TLE4: variants seen among roughly 807,000 people sequenced by gnomAD.
The protein encoded by TLE4 is TLE family member 4, transcriptional corepressor, also known as transducin-like enhancer protein 4.
TLE4 carries 8 observed loss-of-function variants against 92.8 expected under a neutral mutation model. That is an observed-to-expected ratio of 0.09 (90% CI 0.05 to 0.16). The LOEUF (loss-of-function observed/expected upper bound fraction) is 0.16, where lower values mean the gene tolerates loss of function less well. Among genes scored for constraint, TLE4 ranks in the 10% least tolerant of loss-of-function variants. The pLI, the probability that TLE4 is intolerant of heterozygous loss-of-function variation, is 1.00. For missense variants in TLE4, 675 were observed against 997.6 expected (o/e 0.68, Z 4.36); for synonymous variants, 371 against 374.1 (o/e 0.99, Z 0.10).
At chr9:79,620,320 T>C (rs991064863) in intron 5 of TLE4, among the ~76,000 whole-genome samples, 1 of 152,222 alleles carries the variant, frequency 6.6e-6, no homozygotes, top group East Asian at 1.9e-4. Flanking sequence ...GTGCTCAGTA[T>C]CCACTCATAT....
intron 8 of TLE4, among the ~76,000 whole-genome samples, chr9:79,656,384 A>G (rs373045416): frequency 3.3e-5 from 5 of 152,192 alleles, no homozygotes; most frequent in Non-Finnish European, 7.3e-5. Context: ...GCTCCTTAAC[A>G]TTTAACAGGT....
intron 4 of TLE4, among the ~76,000 whole-genome samples, chr9:79,582,409 C>T (rs933418154): frequency 6.6e-5 from 10 of 152,068 alleles, no homozygotes; most frequent in Admixed American, 2.6e-4. Context: ...AATGATGGAC[C>T]GGACTAATGA....
At chr9:79,678,749 G>C (rs535727325) in intron 8 of TLE4, among the ~76,000 whole-genome samples, 2 of 151,716 alleles carry the variant, frequency 1.3e-5, no homozygotes, top group Non-Finnish European at 2.9e-5. Flanking sequence ...TTAGGTATAT[G>C]TCCTAATGCT....
chr9:79,594,390 C>G (rs1198085881), intron 4 of TLE4, among the ~76,000 whole-genome samples: 1 of 152,194 alleles, frequency 6.6e-6, no homozygotes, highest in Non-Finnish European at 1.5e-5. Context: ...CTGTGTGCTG[C>G]TTGAATGAGA....
At chr9:79,668,597 TG>T (rs2061775883) in intron 8 of TLE4, among the ~76,000 whole-genome samples, 1 of 152,116 alleles carries the variant, frequency 6.6e-6, no homozygotes, top group African/African-American at 2.4e-5. Context: ...AGGCCAAGAA[TG>T]TTACAACAGA....
At chr9:79,716,748 T>TA (rs2074571626) in intron 14 of TLE4, among the ~76,000 whole-genome samples, 1 of 152,246 alleles carries the variant, frequency 6.6e-6, no homozygotes, top group South Asian at 2.1e-4. Flanking sequence ...GTTAAATTCC[T>TA]AGACTACCAT....
chr9:79,611,578 C>A (rs1588051874), intron 4 of TLE4, among the ~76,000 whole-genome samples: 1 of 152,020 alleles, frequency 6.6e-6, no homozygotes, highest in South Asian at 2.1e-4. Context: ...GAGGAACTGA[C>A]CCTGGATGGA....
intron 8 of TLE4, among the ~76,000 whole-genome samples, chr9:79,661,390 G>T (rs2060513542): frequency 6.6e-6 from 1 of 152,180 alleles, no homozygotes; most frequent in Non-Finnish European, 1.5e-5. Context: ...AAGTAGCTCA[G>T]CTATCTTCTG....
At chr9:79,627,823 A>T (rs930287928) in intron 6 of TLE4, 32 of 186,114 alleles carry the variant, frequency 1.7e-4, no homozygotes, top group Non-Finnish European at 3.5e-4. Flanking sequence ...CATGTAGAGT[A>T]TCTTACTATC....
chr9:79,686,984 A>G (rs909274669), intron 8 of TLE4, among the ~76,000 whole-genome samples: 5 of 152,210 alleles, frequency 3.3e-5, no homozygotes, highest in Non-Finnish European at 5.9e-5. Context: ...GTCATTTGGT[A>G]TCATCTGGTC....
chr9:79,658,551 C>T (rs1299069019), intron 8 of TLE4, among the ~76,000 whole-genome samples: 1 of 152,060 alleles, frequency 6.6e-6, no homozygotes, highest in Non-Finnish European at 1.5e-5. Flanking sequence ...AAAGGTTTAT[C>T]AGCGGAAAAT....
intron 8 of TLE4, among the ~76,000 whole-genome samples, chr9:79,703,103 T>C (rs1008964303): frequency 5.3e-5 from 8 of 151,930 alleles, no homozygotes; most frequent in Admixed American, 1.3e-4. Flanking sequence ...ATGAAATAAA[T>C]TTATAAATGA....
chr9:79,598,387 A>G (rs2044639285), intron 4 of TLE4, among the ~76,000 whole-genome samples: 1 of 151,938 alleles, frequency 6.6e-6, no homozygotes, highest in African/African-American at 2.4e-5. Context: ...TTGTGCTGAT[A>G]CTACCCTTTC....
chr9:79,680,061 G>T (rs1480603786), intron 8 of TLE4, among the ~76,000 whole-genome samples: 1 of 150,768 alleles, frequency 6.6e-6, no homozygotes, highest in South Asian at 2.1e-4. Flanking sequence ...GATGCCTCCG[G>T]CTTTGTTCTT....
chr9:79,621,331 A>G (rs371084242), intron 5 of TLE4, among the ~76,000 whole-genome samples: 1 of 152,230 alleles, frequency 6.6e-6, no homozygotes, highest in Non-Finnish European at 1.5e-5. Flanking sequence ...GCTAGAGCCC[A>G]TGACACAGAG....
At chr9:79,646,039 G>A (rs1024068364) in intron 6 of TLE4, among the ~76,000 whole-genome samples, 4 of 151,356 alleles carry the variant, frequency 2.6e-5, no homozygotes, top group African/African-American at 9.7e-5. Context: ...TAATTCTTTG[G>A]CTTGATCTTT....
chr9:79,689,952 G>C (rs2066714112), intron 8 of TLE4, among the ~76,000 whole-genome samples: 1 of 152,106 alleles, frequency 6.6e-6, no homozygotes, highest in Non-Finnish European at 1.5e-5. Context: ...TCTGGGGTGG[G>C]TTCCAGATGG....
chr9:79,625,714 A>G (rs986277691), intron 5 of TLE4, among the ~76,000 whole-genome samples: 11 of 152,058 alleles, frequency 7.2e-5, no homozygotes, highest in Non-Finnish European at 1.5e-4. Flanking sequence ...TGAAATGACA[A>G]TTGCTGGCCA....
chr9:79,604,516 T>C (rs973468302), intron 4 of TLE4, among the ~76,000 whole-genome samples: 1 of 151,914 alleles, frequency 6.6e-6, no homozygotes, highest in Non-Finnish European at 1.5e-5. Flanking sequence ...TTTTATATAA[T>C]TGGGAGGAGG....
Sources: allele counts gnomAD v4.1 joint callset (sites outside exome capture counted in the v4.1 genomes callset), GRCh38; gene constraint gnomAD v4.1.1; transcripts MANE v1.5; gene names NCBI Gene and HGNC (gene_info 2026-07-23, HGNC 2026-07-21).